ACCSL: variants seen among roughly 807,000 people sequenced by gnomAD.
ACCSL encodes the protein 1-aminocyclopropane-1-carboxylate synthase homolog (inactive) like, also known as probable inactive 1-aminocyclopropane-1-carboxylate synthase-like protein 2.
In ACCSL, 55 loss-of-function variants were observed where a neutral mutation model predicts 61.7. The ratio of observed to expected loss-of-function variants is 0.89; its 90% CI spans 0.72 to 1.12. ACCSL has a LOEUF of 1.12. ACCSL is among the 50% of genes most tolerant of loss of function. The probability of loss-of-function intolerance (pLI) is 0.00; values close to 1 mark genes in which losing one functional copy is unlikely to be tolerated. For synonymous variants in ACCSL, 258 were observed against 264.3 expected (o/e 0.98, Z 0.23); for missense variants, 632 against 698.0 (o/e 0.91, Z 1.07).
chr11:43,942,031 CGTGCGTGT>C, the ACCSL span, among the ~76,000 whole-genome samples: 8,468 of 114,444 alleles, frequency 0.074, 315 homozygotes, highest in Middle Eastern at 0.11. Flanking sequence ...TGTTTGCATT[CGTGCGTGT>C]GTGTGTGTGT....
rs1019838721 is a variant in ACCSL, at chr11:44,050,417, A to G, written c.565-135A>G. On this transcript the variant is annotated intron_variant, in intron 2 of 13. Coordinates refer to ENST00000378832, the MANE Select transcript of ACCSL (RefSeq NM_001031854.2). ...TGGTAGCCTCCATTCATTAAGGAGC[A>G]TGCAGTGTATATACCCATTCCCTTT... The G allele has an allele frequency of 1.3e-5, 10 of 747,998 alleles. No individual in the cohort carries two copies. The African/African-American group carries it at 1.8e-4, about 13-fold the overall frequency. 46.3% of individuals were successfully genotyped at this position (747,998 alleles called of 1,614,324 possible). A position where few individuals can be genotyped will look rare whatever the true frequency, so the allele number is the denominator to read the frequency against.
the ACCSL span, among the ~76,000 whole-genome samples, chr11:44,007,878 G>C: frequency 6.6e-6 from 1 of 152,126 alleles, no homozygotes. Context: ...GACAGTGTTG[G>C]GGGTGGTTTG....
the ACCSL span, among the ~76,000 whole-genome samples, chr11:44,029,537 A>G: frequency 2.0e-5 from 3 of 152,218 alleles, no homozygotes; most frequent in African/African-American, 7.2e-5. Context: ...AGAATGAATC[A>G]CTGGCAGCTC....
At chr11:43,978,210 A>T in the ACCSL span, among the ~76,000 whole-genome samples, 1 of 151,888 alleles carries the variant, frequency 6.6e-6, no homozygotes, top group Non-Finnish European at 1.5e-5. Flanking sequence ...GGATTTCGTC[A>T]TGTTGGCCAG....
At chr11:44,039,404 T>G in the ACCSL span, among the ~76,000 whole-genome samples, 7 of 152,234 alleles carry the variant, frequency 4.6e-5, no homozygotes, top group African/African-American at 1.7e-4. Flanking sequence ...AACTCAGGAA[T>G]GGAAAACCAA....
At chr11:43,953,520 CAAAAAAAAAAAA>C in the ACCSL span, among the ~76,000 whole-genome samples, 4 of 75,490 alleles carry the variant, frequency 5.3e-5, no homozygotes, top group Non-Finnish European at 1.1e-4. Context: ...GACTCTGACT[CAAAAAAAAAAAA>C]AAAAAAAAGG....
Position 44,055,209 on chromosome 11 carries a change from C to A in ACCSL, c.1057C>A (p.Leu353Ile), listed in dbSNP as rs1327418906. ...CTTTCATCTAATCTACAGGTATAAC[C>A]TACATGTGATCATAGATGAGATTTA... ...KYLEFAKRYN[L>I]HVIIDEIYML... Residue 353 changes from leucine (L) to isoleucine (I), a missense_variant, in exon 9 of 14, where the codon CTA becomes ATA. Physicochemically the swap from Leu to Ile is conservative, Grantham distance 5 (BLOSUM62 2). Transcript: ENST00000378832. The A allele has an allele frequency of 1.9e-6, 3 of 1,603,596 alleles. No homozygotes were observed. The highest frequency in any genetic ancestry group is 2.6e-6 in the Non-Finnish European group (3 of 1,171,052).
chr11:44,036,499 A>G, the ACCSL span, among the ~76,000 whole-genome samples: 1 of 152,242 alleles, frequency 6.6e-6, no homozygotes, highest in African/African-American at 2.4e-5. Context: ...CCCAGGTTCT[A>G]TGCCAGGTGC....
At chr11:43,948,019 A>G in the ACCSL span, among the ~76,000 whole-genome samples, 1 of 152,224 alleles carries the variant, frequency 6.6e-6, no homozygotes, top group Non-Finnish European at 1.5e-5. Context: ...TGAGTTTTCA[A>G]ACAGGCTGGA....
chr11:43,943,298 C>T, the ACCSL span: 2 of 1,456,948 alleles, frequency 1.4e-6, no homozygotes, highest in Non-Finnish European at 1.8e-6. This position sits in a 1 kb window ranked among gnomAD's most constrained non-coding sequence, Gnocchi z 4.8. Flanking sequence ...GGGGGGGACG[C>T]GCGCGTCCGC....
chr11:44,055,136 A>C (rs1952663105), intron 8 of ACCSL, 66 bp from the exon 9 acceptor site: 2 of 1,154,688 alleles, frequency 1.7e-6, no homozygotes, highest in South Asian at 2.7e-5. Context: ...GCTTGTAAAA[A>C]GCATGCAAAG....
At chr11:44,030,865 A>G in the ACCSL span, among the ~76,000 whole-genome samples, 2 of 152,136 alleles carry the variant, frequency 1.3e-5, no homozygotes, top group Non-Finnish European at 2.9e-5. Context: ...ATGATCACAC[A>G]AGACTCATTC....
At chr11:44,014,394 C>T in the ACCSL span, among the ~76,000 whole-genome samples, 1 of 151,984 alleles carries the variant, frequency 6.6e-6, no homozygotes, top group African/African-American at 2.4e-5. Flanking sequence ...GACCTCAGTC[C>T]CTGCCATGTG....
the ACCSL span, among the ~76,000 whole-genome samples, chr11:44,035,869 T>TA: frequency 7.3e-6 from 1 of 136,488 alleles, no homozygotes; most frequent in African/African-American, 2.8e-5. Context: ...ACCTGGAAGG[T>TA]AGAGGTTGCA....
the ACCSL span, among the ~76,000 whole-genome samples, chr11:43,927,025 G>A: frequency 6.6e-6 from 1 of 152,262 alleles, no homozygotes; most frequent in Admixed American, 6.5e-5. Flanking sequence ...TGGGACTACA[G>A]GCGTGAGCCA....
At chr11:44,004,324 T>A in the ACCSL span, among the ~76,000 whole-genome samples, 1 of 151,886 alleles carries the variant, frequency 6.6e-6, no homozygotes, top group Non-Finnish European at 1.5e-5. Context: ...GCCAAGTTCT[T>A]GGTGTTTGCT....
chr11:44,024,483 GTA>G, the ACCSL span, among the ~76,000 whole-genome samples: 2 of 133,898 alleles, frequency 1.5e-5, no homozygotes, highest in African/African-American at 2.8e-5. Context: ...GTGTGTGTGT[GTA>G]TACATCCTAT....
chr11:44,048,090 G>C lies in ACCSL; in HGVS notation c.54G>C (p.Arg18=). ...TGCCCTCTGGTCAGAGGAGAGGCCG[G>C]GTCCCCAGAGACCACAGCATCTATA... ...LPVPSGQRRG[R]VPRDHSIYTQ... Residue 18 remains arginine, a synonymous_variant, in exon 1 of 14, where the codon CGG becomes CGC. Transcript: ENST00000378832. 1 of 1,614,136 alleles carries C rather than the reference G, an allele frequency of 6.2e-7. No homozygotes were observed. Among genetic ancestry groups the C allele is most frequent in the Non-Finnish European group, 8.5e-7 (1 of 1,180,004 alleles).
the ACCSL span, among the ~76,000 whole-genome samples, chr11:44,007,215 C>T: frequency 7.2e-5 from 11 of 152,196 alleles, no homozygotes; most frequent in Admixed American, 1.3e-4. Flanking sequence ...AGGGAGGCCC[C>T]GGGAATGTCA....
Sources: gnomAD v4.1 joint callset for allele counts (sites outside exome capture counted in the v4.1 genomes callset) on GRCh38, gnomAD v4.1.1 for gene constraint, Gnocchi (gnomAD v3.1) non-coding constraint, MANE v1.5 for transcripts, NCBI Gene and HGNC (gene_info 2026-07-23, HGNC 2026-07-21) for gene names.